Variants in INSL6 observed in about 807,000 individuals in gnomAD.
The protein encoded by INSL6 is insulin-like peptide INSL6.
In INSL6, 16 loss-of-function variants were observed where a neutral mutation model predicts 9.4. The observed-to-expected ratio is 1.70, with a 90% CI of 1.15 to 2.59. The LOEUF (loss-of-function observed/expected upper bound fraction) is 2.59, where lower values mean the gene tolerates loss of function less well. Ranked by LOEUF, INSL6 falls within the 30% of genes most tolerant of loss-of-function variation. INSL6 has a pLI of 0.00. For synonymous variants in INSL6, 154 were observed against 96.9 expected (o/e 1.59, Z -3.46); for missense variants, 391 against 257.3 (o/e 1.52, Z -3.56).
chr9:5,072,504 G>T, the INSL6 span: 1 of 1,581,084 alleles, frequency 6.3e-7, no homozygotes, highest in South Asian at 1.2e-5. Flanking sequence ...TGAAAGCCTT[G>T]GCCAAGGCAC....
At chr9:5,114,071 C>A in the INSL6 span, 1 of 336,996 alleles carries the variant, frequency 3.0e-6, no homozygotes, top group South Asian at 2.9e-5. Flanking sequence ...AAAGCAAGCT[C>A]ACCCTCACCC....
chr9:5,083,965 TTAA>T, the INSL6 span, among the ~76,000 whole-genome samples: 7 of 147,444 alleles, frequency 4.7e-5, no homozygotes, highest in South Asian at 1.2e-3. Flanking sequence ...TTTCCCATTA[TTAA>T]TATTCTTTTG....
At chr9:5,092,326 ATAT>A in the INSL6 span, among the ~76,000 whole-genome samples, 1 of 152,138 alleles carries the variant, frequency 6.6e-6, no homozygotes, top group Non-Finnish European at 1.5e-5. Context: ...CATTCTAGAA[ATAT>A]TATTTAAATT....
chr9:5,069,154 C>T, the INSL6 span: 79 of 1,612,334 alleles, frequency 4.9e-5, no homozygotes, highest in Non-Finnish European at 6.2e-5. Context: ...GGAAACTGTT[C>T]GCTCAGACAA....
At chr9:5,091,003 C>A in the INSL6 span, 2 of 951,004 alleles carry the variant, frequency 2.1e-6, no homozygotes, top group Non-Finnish European at 3.1e-6. Context: ...TCTATATTTA[C>A]AGTAACAGTG....
At chr9:5,064,707 G>C in the INSL6 span, among the ~76,000 whole-genome samples, 1 of 152,116 alleles carries the variant, frequency 6.6e-6, no homozygotes, top group Non-Finnish European at 1.5e-5. Context: ...TCTGTATTTA[G>C]GAGGATCTTA....
the INSL6 span, chr9:5,091,322 A>C: frequency 6.5e-6 from 1 of 154,522 alleles, no homozygotes; most frequent in Admixed American, 6.5e-5. Context: ...GCTATTGAGG[A>C]GTATCCTGAA....
At chr9:5,050,570 C>T in the INSL6 span, 7 of 1,086,806 alleles carry the variant, frequency 6.4e-6, no homozygotes, top group South Asian at 1.6e-5. Flanking sequence ...TGAGCCTGGC[C>T]AATTTGTATC....
chr9:5,088,163 G>A, the INSL6 span, among the ~76,000 whole-genome samples: 13 of 151,972 alleles, frequency 8.6e-5, no homozygotes, highest in Non-Finnish European at 1.9e-4. Context: ...AATTGTCCGC[G>A]GTCACAGAGA....
chr9:5,111,978 T>TC, the INSL6 span: 5 of 349,478 alleles, frequency 1.4e-5, no homozygotes, highest in East Asian at 8.1e-5. Flanking sequence ...CGCCGTGGGC[T>TC]CCCCCCAGGG....
chr9:5,152,922 C>T (rs1434763473), intron 2 of INSL6, among the ~76,000 whole-genome samples: 1 of 152,070 alleles, frequency 6.6e-6, no homozygotes, highest in Admixed American at 6.5e-5. Flanking sequence ...AGTGGAGCGT[C>T]GCCTCACCCG....
the INSL6 span, among the ~76,000 whole-genome samples, chr9:5,044,712 C>G: frequency 2.0e-5 from 3 of 152,120 alleles, no homozygotes; most frequent in Non-Finnish European, 2.9e-5. Context: ...ATAATAGAAT[C>G]TATTTTATAA....
chr9:5,167,162 G>A (rs373539743), intron 1 of INSL6, among the ~76,000 whole-genome samples: 1 of 152,146 alleles, frequency 6.6e-6, no homozygotes, highest in African/African-American at 2.4e-5. Context: ...CAGGGCAAAG[G>A]GAGCTCCCTT....
the INSL6 span, among the ~76,000 whole-genome samples, chr9:5,087,459 A>G: frequency 5.1e-5 from 4 of 77,902 alleles, no homozygotes; most frequent in Non-Finnish European, 9.4e-5. Context: ...GGTGAGGACA[A>G]TGCCAAACCA....
chr9:5,098,222 C>T, the INSL6 span: 3 of 152,150 alleles, frequency 2.0e-5, no homozygotes, highest in Non-Finnish European at 4.4e-5. Context: ...AAGGAATTAA[C>T]TTCCAGAAAC....
chr9:5,020,584 C>A, the INSL6 span, among the ~76,000 whole-genome samples: 1 of 152,080 alleles, frequency 6.6e-6, no homozygotes, highest in Non-Finnish European at 1.5e-5. Context: ...TGCACTGCAG[C>A]TGCAGGTGGA....
intron 2 of INSL6, among the ~76,000 whole-genome samples, chr9:5,148,765 T>G (rs1824652028): frequency 6.6e-6 from 1 of 152,148 alleles, no homozygotes; most frequent in South Asian, 2.1e-4. Flanking sequence ...TCCAGACATT[T>G]GGGGTTGGGT....
chr9:5,097,822 G>A, the INSL6 span: 6 of 152,140 alleles, frequency 3.9e-5, no homozygotes, highest in Non-Finnish European at 1.5e-5. Context: ...AGCGGTGTTC[G>A]CCATCATAGG....
the INSL6 span, chr9:5,112,646 A>G: frequency 2.5e-5 from 25 of 1,004,672 alleles, no homozygotes; most frequent in Non-Finnish European, 3.1e-5. Context: ...GAAGCCCCAG[A>G]CCAAACTCCT....
Sources: allele counts gnomAD v4.1 joint callset (sites outside exome capture counted in the v4.1 genomes callset), GRCh38; gene constraint gnomAD v4.1.1; transcripts MANE v1.5; gene names NCBI Gene and HGNC (gene_info 2026-07-23, HGNC 2026-07-21).